The following CHRNA1 variants were observed in gnomAD, a reference collection of about 807,000 sequenced individuals.
CHRNA1 encodes acetylcholine receptor subunit alpha.
CHRNA1 carries 35 observed loss-of-function variants against 47.1 expected under a neutral mutation model. That is an observed-to-expected ratio of 0.74 (90% CI 0.57 to 0.99). The LOEUF is 0.99. Ranked by LOEUF, CHRNA1 falls within the 50% of genes least tolerant of loss-of-function variation. The pLI is 0.00. For synonymous variants in CHRNA1, 229 were observed against 223.6 expected (o/e 1.02, Z -0.22); for missense variants, 506 against 591.1 (o/e 0.86, Z 1.49).
chr2:174,760,179 C>T (rs1684076221), intron 1 of CHRNA1, among the ~76,000 whole-genome samples: 1 of 152,114 alleles, frequency 6.6e-6, no homozygotes, highest in Non-Finnish European at 1.5e-5. Context: ...TGTAAAATGG[C>T]AGTTCCTCAA....
intron 5 of CHRNA1, 130 bp from the exon 6 acceptor site, chr2:174,753,870 C>T (rs1478379359): frequency 6.8e-6 from 6 of 879,394 alleles, no homozygotes; most frequent in Non-Finnish European, 1.1e-5. Flanking sequence ...GACTGTGGGA[C>T]ACTACTGCTT....
intron 1 of CHRNA1, among the ~76,000 whole-genome samples, chr2:174,763,486 G>A (rs1386677754): frequency 1.3e-5 from 2 of 152,170 alleles, no homozygotes; most frequent in African/African-American, 2.4e-5. Flanking sequence ...TGACCAGAAG[G>A]CCTGTGTTTT....
chr2:174,748,664 C>T lies in CHRNA1; in HGVS notation c.1158G>A (p.Leu386=). 1.2e-6 allele frequency: 2 copies of T among 1,614,226 alleles called. No homozygotes were observed. The highest frequency in any genetic ancestry group is 1.7e-6 in the Non-Finnish European group (2 of 1,180,032). ...GPPPMGFHSP[L]IKHPEVKSAI... Reference sequence around the variant, plus strand: ...CACTTTTCACCTCGGGGTGTTTGATCAGGGGAGAGTGGAAGCCCATGGGTG... The same window carrying T: ...CACTTTTCACCTCGGGGTGTTTGATTAGGGGAGAGTGGAAGCCCATGGGTG... Residue 386 remains leucine, a synonymous_variant, in exon 8 of 9, where the codon CTG becomes CTA. Coordinates refer to ENST00000348749, the MANE Select transcript of CHRNA1 (RefSeq NM_000079.4).
chr2:174,757,837 A>G (rs1406911129), intron 3 of CHRNA1, 162 bp from the exon 4 acceptor site: 2 of 941,990 alleles, frequency 2.1e-6, no homozygotes, highest in African/African-American at 3.3e-5. Context: ...GTAAATAAGA[A>G]CAGCAAATAT....
intron 6 of CHRNA1, 68 bp from the exon 7 acceptor site, chr2:174,750,237 C>T: frequency 8.4e-7 from 1 of 1,188,568 alleles, no homozygotes. Flanking sequence ...CAGTGTTCCT[C>T]CCACCCCACC....
At position 174,748,676 on chromosome 2, in the gene CHRNA1, G is replaced by A; in HGVS notation, c.1146C>T (p.Phe382=). ...SGKPGPPPMG[F]HSPLIKHPEV... ...CGGGGTGTTTGATCAGGGGAGAGTG[G>A]AAGCCCATGGGTGGAGGCCCTGGCT... Residue 382 remains phenylalanine, a synonymous_variant, in exon 8 of 9, where the codon TTC becomes TTT. Coordinates refer to ENST00000348749, the MANE Select transcript of CHRNA1 (RefSeq NM_000079.4). 2 of 1,614,214 alleles carry A rather than the reference G, an allele frequency of 1.2e-6. No individual in the cohort carries two copies. Among genetic ancestry groups the A allele is most frequent in the Non-Finnish European group, 8.5e-7 (1 of 1,180,040 alleles).
At chr2:174,755,199 T>TA (rs1201178816) in intron 4 of CHRNA1, among the ~76,000 whole-genome samples, 5 of 152,108 alleles carry the variant, frequency 3.3e-5, no homozygotes, top group African/African-American at 1.2e-4. Context: ...TACTACTTTT[T>TA]AAAGAACGAT....
Position 174,748,640 on chromosome 2 carries a change from A to T in CHRNA1, c.1182T>A (p.Ser394Arg), listed in dbSNP as rs776811077. The change falls in exon 8 of 9, where the codon AGT (serine) becomes AGA (arginine). Residue 394 changes from serine (S) to arginine (R), a missense_variant. Coordinates refer to ENST00000348749, the MANE Select transcript of CHRNA1 (RefSeq NM_000079.4). ...SPLIKHPEVK[S>R]AIEGIKYIAE... ...CGATGTACTTGATGCCCTCGATGGCACTTTTCACCTCGGGGTGTTTGATCA... is the reference window on the plus strand; with the variant it reads ...CGATGTACTTGATGCCCTCGATGGCTCTTTTCACCTCGGGGTGTTTGATCA... 3.1e-6 allele frequency: 5 copies of T among 1,614,038 alleles called. No individual in the cohort carries two copies. Among genetic ancestry groups the T allele is most frequent in the Non-Finnish European group, 4.2e-6 (5 of 1,180,022 alleles).
chr2:174,751,555 A>G (rs940679249), intron 6 of CHRNA1, among the ~76,000 whole-genome samples: 4 of 152,198 alleles, frequency 2.6e-5, no homozygotes. Context: ...CAAATACAAA[A>G]TATTTGTCCA....
intron 1 of CHRNA1, among the ~76,000 whole-genome samples, chr2:174,763,384 T>C (rs1453967832): frequency 6.6e-6 from 1 of 151,374 alleles, no homozygotes; most frequent in Non-Finnish European, 1.5e-5. Flanking sequence ...CTGGACAGAG[T>C]CCAAATCCCA....
intron 6 of CHRNA1, chr2:174,753,233 G>A (rs1009551628): frequency 9.7e-6 from 6 of 619,698 alleles, no homozygotes; most frequent in Non-Finnish European, 1.7e-5. Context: ...AGGTATTGGT[G>A]GTTAATGTAC....
At chr2:174,756,471 G>T (rs941542914) in intron 4 of CHRNA1, among the ~76,000 whole-genome samples, 5 of 152,202 alleles carry the variant, frequency 3.3e-5, no homozygotes, top group African/African-American at 7.2e-5. Flanking sequence ...GCCCCAAAGG[G>T]CAGAGAGTCA....
chr2:174,757,640 A>T lies in CHRNA1; in HGVS notation c.270T>A (p.Asp90Glu), dbSNP rs746590795. ...GAATTTTTTTCACACCGCCATAGTC[A>T]TCTGGATTCCATTTTAGGTTGTAAT... ...WVDYNLKWNP[D>E]DYGGVKKIHI... The change falls in exon 4 of 9, where the codon GAT becomes GAA. Residue 90 changes from aspartate (D) to glutamate (E), a missense_variant. By Grantham distance (45) the Asp-to-Glu change is conservative. Coordinates refer to ENST00000348749, the MANE Select transcript of CHRNA1 (RefSeq NM_000079.4). 1.2e-6 allele frequency: 2 copies of T among 1,614,210 alleles called. No homozygotes were observed. The highest frequency in any genetic ancestry group is 1.7e-6 in the Non-Finnish European group (2 of 1,180,040).
intron 4 of CHRNA1, among the ~76,000 whole-genome samples, chr2:174,755,350 G>A (rs1376417572): frequency 2.0e-5 from 3 of 152,028 alleles, no homozygotes; most frequent in South Asian, 2.1e-4. Context: ...CCCCTGAGGC[G>A]CCCATGTGGG....
intron 4 of CHRNA1, among the ~76,000 whole-genome samples, chr2:174,754,906 G>C (rs1239220584): frequency 8.5e-6 from 1 of 117,492 alleles, no homozygotes; most frequent in Non-Finnish European, 1.6e-5. Context: ...TTTTTTTTGA[G>C]ATGGAATCTC....
intron 1 of CHRNA1, among the ~76,000 whole-genome samples, chr2:174,763,028 T>TTAA (rs2105354309): frequency 6.6e-6 from 1 of 152,064 alleles, no homozygotes; most frequent in African/African-American, 2.4e-5. Context: ...CATTCCAAAA[T>TTAA]GTATAAATTA....
chr2:174,748,090 T>A lies in CHRNA1; in HGVS notation c.*34A>T. 6.2e-7 allele frequency: 1 copy of A among 1,613,274 alleles called. No individual in the cohort carries two copies. Among genetic ancestry groups the A allele is most frequent in the Non-Finnish European group, 8.5e-7 (1 of 1,179,746 alleles). On this transcript the variant is annotated 3_prime_UTR_variant, in exon 9 of 9. Coordinates refer to ENST00000348749, the MANE Select transcript of CHRNA1 (RefSeq NM_000079.4). ...CCTGCCCTTCTCTGCTCTGGTAGGT[T>A]CCAGGGCAGAGCTAAGCTCAGCTCA...
At chr2:174,759,137 C>G (rs1345212604) in intron 3 of CHRNA1, among the ~76,000 whole-genome samples, 194 bp downstream of exon 3, 1 of 152,056 alleles carries the variant, frequency 6.6e-6, no homozygotes, top group Non-Finnish European at 1.5e-5. Flanking sequence ...CAAACTAACA[C>G]ACACAGAAAA....
chr2:174,759,848 G>A (rs1439942639), intron 1 of CHRNA1, among the ~76,000 whole-genome samples: 1 of 151,794 alleles, frequency 6.6e-6, no homozygotes, highest in Non-Finnish European at 1.5e-5. Context: ...GTGACAGTGG[G>A]GTGTGCCAGG....
Sources: gnomAD v4.1 joint callset for allele counts (sites outside exome capture counted in the v4.1 genomes callset) on GRCh38, gnomAD v4.1.1 for gene constraint, MANE v1.5 for transcripts, NCBI Gene and HGNC (gene_info 2026-07-23, HGNC 2026-07-21) for gene names.